Variants in GNAQ observed in about 807,000 individuals in gnomAD.
GNAQ encodes the protein guanine nucleotide-binding protein G(q) subunit alpha.
A neutral mutation model predicts 43.9 loss-of-function variants in GNAQ; 8 were observed. That is an observed-to-expected ratio of 0.18 (90% CI 0.11 to 0.33). GNAQ has a LOEUF of 0.33. Ranked by LOEUF, GNAQ falls within the 10% of genes least tolerant of loss-of-function variation. GNAQ has a pLI of 1.00. For synonymous variants in GNAQ, 155 were observed against 170.7 expected, an observed-to-expected ratio of 0.91 and a Z score of 0.71; for missense variants, 158 against 450.8, an observed-to-expected ratio of 0.35 and a Z score of 5.88.
At chr9:77,751,747 C>G (rs138523613) in intron 5 of GNAQ, among the ~76,000 whole-genome samples, 4 of 152,052 alleles carry the variant, frequency 2.6e-5, no homozygotes, top group African/African-American at 9.6e-5. Context: ...ATGGCTGTTG[C>G]TAGGACAACT....
At chr9:77,845,530 T>A (rs753837969) in intron 2 of GNAQ, among the ~76,000 whole-genome samples, 3 of 152,232 alleles carry the variant, frequency 2.0e-5, no homozygotes, top group Non-Finnish European at 4.4e-5. Flanking sequence ...CAGGGTTATA[T>A]TCTCATATGA....
intron 1 of GNAQ, among the ~76,000 whole-genome samples, chr9:78,006,989 C>G (rs1823715004): frequency 6.6e-6 from 1 of 152,156 alleles, no homozygotes; most frequent in Admixed American, 6.5e-5. Context: ...TTCAGCTTCA[C>G]CAGAGTACTT....
intron 5 of GNAQ, among the ~76,000 whole-genome samples, chr9:77,770,851 A>G (rs1013946849): frequency 2.0e-5 from 3 of 152,240 alleles, no homozygotes; most frequent in Non-Finnish European, 4.4e-5. Context: ...CGATTTGGAA[A>G]TTTAATCACA....
chr9:77,719,975 C>A lies in GNAQ; in HGVS notation c.*1348G>T, dbSNP rs1206880101. Reference sequence around the variant, plus strand: ...AAGGTGTCGGAATAATACTACCAACCAATGTTCCTGGCAGACTTCATTGAA... The same window carrying A: ...AAGGTGTCGGAATAATACTACCAACAAATGTTCCTGGCAGACTTCATTGAA... On this transcript the variant is annotated 3_prime_UTR_variant, in exon 7 of 7. Coordinates refer to ENST00000286548, the MANE Select transcript of GNAQ (RefSeq NM_002072.5). 8.6e-6 allele frequency: 2 copies of A among 232,348 alleles called. No individual in the cohort carries two copies. The highest frequency in any genetic ancestry group is 1.7e-5 in the Non-Finnish European group (2 of 117,634). 14.4% of individuals were successfully genotyped at this position (232,348 alleles called of 1,614,324 possible). A position where few individuals can be genotyped will look rare whatever the true frequency, so the allele number is the denominator to read the frequency against.
intron 1 of GNAQ, among the ~76,000 whole-genome samples, chr9:78,007,262 T>C (rs747127985): frequency 3.3e-5 from 5 of 150,230 alleles, no homozygotes; most frequent in Non-Finnish European, 7.4e-5. Flanking sequence ...GCTGGGAAAG[T>C]ACAAGTAAAG....
At chr9:77,907,362 C>T (rs192202934) in intron 2 of GNAQ, among the ~76,000 whole-genome samples, 4 of 152,084 alleles carry the variant, frequency 2.6e-5, no homozygotes, top group African/African-American at 9.6e-5. Context: ...CAACCCAGAA[C>T]AGCAGGAAAG....
chr9:77,890,346 G>A (rs1828383000), intron 2 of GNAQ, among the ~76,000 whole-genome samples: 1 of 152,150 alleles, frequency 6.6e-6, no homozygotes, highest in Non-Finnish European at 1.5e-5. Context: ...GAAAGCTTTA[G>A]TAGCATTCAT....
At chr9:77,795,067 G>A (rs747734093) in intron 4 of GNAQ, among the ~76,000 whole-genome samples, 5 of 152,060 alleles carry the variant, frequency 3.3e-5, no homozygotes, top group Non-Finnish European at 7.4e-5. Context: ...ATTCAATATG[G>A]GTGGTATGAT....
At chr9:77,723,777 TA>T (rs770792498) in intron 6 of GNAQ, among the ~76,000 whole-genome samples, 18 of 152,092 alleles carry the variant, frequency 1.2e-4, no homozygotes, top group Non-Finnish European at 2.5e-4. Flanking sequence ...TTCCAAGGGT[TA>T]GGGGGAGGAA....
At chr9:77,834,270 G>A (rs1415985423) in intron 2 of GNAQ, among the ~76,000 whole-genome samples, 1 of 152,150 alleles carries the variant, frequency 6.6e-6, no homozygotes, top group Non-Finnish European at 1.5e-5. Flanking sequence ...TTCTCTTGTA[G>A]TTTACAACCA....
chr9:77,959,545 A>G (rs1823082338), intron 1 of GNAQ, among the ~76,000 whole-genome samples: 1 of 152,160 alleles, frequency 6.6e-6, no homozygotes, highest in Admixed American at 6.5e-5. Flanking sequence ...TCATTTGCAA[A>G]TTTCAATCTG....
At chr9:77,874,525 T>C (rs1387157902) in intron 2 of GNAQ, among the ~76,000 whole-genome samples, 2 of 152,190 alleles carry the variant, frequency 1.3e-5, no homozygotes, top group Admixed American at 1.3e-4. Flanking sequence ...AGAGAGAATT[T>C]GGGGCAACAA....
intron 2 of GNAQ, among the ~76,000 whole-genome samples, chr9:77,906,669 A>C (rs1227482685): frequency 6.6e-6 from 1 of 152,244 alleles, no homozygotes; most frequent in Non-Finnish European, 1.5e-5. Flanking sequence ...TTTTGTAATT[A>C]ATTTATGGGA....
chr9:77,905,702 G>T (rs561108198), intron 2 of GNAQ, among the ~76,000 whole-genome samples: 30 of 152,216 alleles, frequency 2.0e-4, no homozygotes, highest in Middle Eastern at 3.4e-3. Flanking sequence ...TTCATATTCA[G>T]GAAAATTCTG....
Position 78,020,275 on chromosome 9 carries a change from A to G in GNAQ, c.136+10825T>C, listed in dbSNP as rs1823892120. The stretch of plus-strand genomic sequence containing the variant: ...TCATAACACATCACAGGATTAGCAG[A>G]GTTCTCAAAACAGTAATAGATGCAT... On this transcript the variant is annotated intron_variant, in intron 1 of 6. Transcript: ENST00000286548. Among the ~76,000 whole-genome samples, 4 of 152,196 alleles carry G rather than the reference A, an allele frequency of 2.6e-5. No homozygotes were observed. The South Asian group carries it at 8.3e-4, about 31-fold the overall frequency.
chr9:77,761,532 G>C (rs1426400143), intron 5 of GNAQ, among the ~76,000 whole-genome samples: 1 of 132,796 alleles, frequency 7.5e-6, no homozygotes, highest in Non-Finnish European at 1.6e-5. Context: ...CAGCCGCCCC[G>C]TCCGGGAGGG....
intron 5 of GNAQ, among the ~76,000 whole-genome samples, chr9:77,732,043 A>AT (rs1427401378): frequency 2.6e-5 from 4 of 152,090 alleles, no homozygotes; most frequent in Non-Finnish European, 2.9e-5. Context: ...ACTAAATGAG[A>AT]TTTTCACAAT....
At chr9:77,989,657 T>A (rs970890328) in intron 1 of GNAQ, among the ~76,000 whole-genome samples, 4 of 152,228 alleles carry the variant, frequency 2.6e-5, no homozygotes, top group Non-Finnish European at 5.9e-5. Flanking sequence ...CCAAAGAGGC[T>A]GCAGCCAGGG....
At chr9:77,849,551 C>T (rs536800697) in intron 2 of GNAQ, among the ~76,000 whole-genome samples, 68 of 152,258 alleles carry the variant, frequency 4.5e-4, no homozygotes, top group African/African-American at 1.5e-3. Flanking sequence ...TCTGGTCATC[C>T]GTACTGGCTT....
Sources: allele counts gnomAD v4.1 joint callset (sites outside exome capture counted in the v4.1 genomes callset), GRCh38; gene constraint gnomAD v4.1.1; transcripts MANE v1.5; gene names NCBI Gene and HGNC (gene_info 2026-07-23, HGNC 2026-07-21).